FBXL4: variants seen among roughly 807,000 people sequenced by gnomAD.
The protein encoded by FBXL4 is F-box/LRR-repeat protein 4.
A neutral mutation model predicts 58.9 loss-of-function variants in FBXL4; 40 were observed. The ratio of observed to expected loss-of-function variants is 0.68; its 90% CI spans 0.53 to 0.88. The LOEUF is 0.88. Ranked by LOEUF, FBXL4 falls within the 40% of genes least tolerant of loss-of-function variation. The pLI, the probability that FBXL4 is intolerant of heterozygous loss-of-function variation, is 0.00. For missense variants in FBXL4, 676 were observed against 734.4 expected, an observed-to-expected ratio of 0.92 and a Z score of 0.92; for synonymous variants, 263 against 265.5, an observed-to-expected ratio of 0.99 and a Z score of 0.09.
intron 7 of FBXL4, chr6:98,898,427 A>T (rs765181877): frequency 2.0e-6 from 2 of 985,330 alleles, no homozygotes; most frequent in Non-Finnish European, 2.4e-6. Context: ...GCTCATGGTG[A>T]AACCCCGTCT....
At chr6:98,934,739 G>GA (rs1024992229) in intron 2 of FBXL4, 23 bp downstream of exon 2, 18 of 152,174 alleles carry the variant, frequency 1.2e-4, no homozygotes, top group Admixed American at 5.2e-4. Flanking sequence ...CCCCAAAGTA[G>GA]AAAAAATAGG....
intron 7 of FBXL4, among the ~76,000 whole-genome samples, chr6:98,895,879 G>T (rs1183621078): frequency 6.6e-6 from 1 of 152,002 alleles, no homozygotes; most frequent in African/African-American, 2.4e-5. Context: ...CACATAAAAT[G>T]TAACAGTATT....
intron 6 of FBXL4, among the ~76,000 whole-genome samples, chr6:98,900,196 T>A (rs1261254317): frequency 3.3e-5 from 5 of 152,190 alleles, no homozygotes; most frequent in Admixed American, 6.6e-5. Context: ...TCTATGATCA[T>A]CCCCTGAAAA....
chr6:98,936,831 T>A (rs912089798), intron 1 of FBXL4, among the ~76,000 whole-genome samples: 4 of 152,232 alleles, frequency 2.6e-5, no homozygotes, highest in Non-Finnish European at 1.5e-5. Context: ...AACCTTCATG[T>A]TGTTTGAGGA....
intron 2 of FBXL4, among the ~76,000 whole-genome samples, chr6:98,932,399 T>C (rs1773046296): frequency 6.6e-6 from 1 of 152,240 alleles, no homozygotes; most frequent in African/African-American, 2.4e-5. Flanking sequence ...AACATGATTT[T>C]ATTATAATAC....
intron 5 of FBXL4, among the ~76,000 whole-genome samples, chr6:98,915,953 T>G (rs1772326466): frequency 6.6e-6 from 1 of 151,942 alleles, no homozygotes; most frequent in Non-Finnish European, 1.5e-5. Flanking sequence ...GAATCTACAA[T>G]GAACTCAAAC....
rs1336030586 is a variant in FBXL4 at position 98,907,195 on chromosome 6, G to T, written c.859-1525C>A. 2.6e-5 allele frequency among the ~76,000 whole-genome samples: 4 copies of T among 152,312 alleles called. No individual in the cohort carries two copies. The East Asian group carries it at 7.7e-4, about 29-fold the overall frequency. On this transcript the variant is annotated intron_variant, in intron 5 of 9. Transcript: ENST00000369244. ...CAGGGGCAAACCAGGTGAAAAGAGA[G>T]TCTAGTGGCAAAGACTGTGTTATGA...
Position 98,902,336 on chromosome 6 carries a change from A to G in FBXL4, c.1104-2855T>C, listed in dbSNP as rs372255381. Reference sequence around the variant, plus strand: ...TAGCTGATCCAAAATAAAGCCATTAAAAACAAAACTTCCTGCTTAACTGTA... The same window carrying G: ...TAGCTGATCCAAAATAAAGCCATTAGAAACAAAACTTCCTGCTTAACTGTA... On this transcript the variant is annotated intron_variant, in intron 6 of 9. Coordinates refer to ENST00000369244, the MANE Select transcript of FBXL4 (RefSeq NM_001278716.2). Among the ~76,000 whole-genome samples the G allele has an allele frequency of 3.9e-5, 6 of 152,290 alleles. No homozygotes were observed. In the East Asian group the frequency reaches 7.7e-4, roughly 20 times the overall value.
intron 8 of FBXL4, among the ~76,000 whole-genome samples, chr6:98,876,106 T>C (rs1053829981): frequency 6.6e-5 from 10 of 152,214 alleles, no homozygotes; most frequent in Non-Finnish European, 1.2e-4. Flanking sequence ...TATATATGGC[T>C]AATATACTTT....
chr6:98,878,544 T>A (rs1423392199), intron 8 of FBXL4, among the ~76,000 whole-genome samples: 1 of 151,960 alleles, frequency 6.6e-6, no homozygotes, highest in Non-Finnish European at 1.5e-5. Flanking sequence ...CACCCCCAAA[T>A]ACACAGCCTT....
chr6:98,879,843 T>C (rs1770785423), intron 8 of FBXL4, among the ~76,000 whole-genome samples: 1 of 148,780 alleles, frequency 6.7e-6, no homozygotes, highest in Non-Finnish European at 1.5e-5. Flanking sequence ...CTTGGGAGGT[T>C]GAGGCAGGAG....
intron 1 of FBXL4, among the ~76,000 whole-genome samples, chr6:98,940,753 A>G (rs1244385172): frequency 1.3e-5 from 2 of 152,068 alleles, no homozygotes; most frequent in African/African-American, 4.8e-5. Flanking sequence ...ATCTACTTGA[A>G]AATATCTTTT....
At chr6:98,879,025 C>T (rs1770753927) in intron 8 of FBXL4, among the ~76,000 whole-genome samples, 1 of 152,048 alleles carries the variant, frequency 6.6e-6, no homozygotes, top group Non-Finnish European at 1.5e-5. Flanking sequence ...TAAGACCTAA[C>T]CACAAGATTT....
At position 98,875,545 on chromosome 6, in the gene FBXL4, G is replaced by A. The variant is rs1209607876; in HGVS notation, c.1572C>T (p.Cys524=). The A allele has an allele frequency of 6.2e-7, 1 of 1,614,174 alleles. No individual in the cohort carries two copies. The highest frequency in any genetic ancestry group is 1.1e-5 in the South Asian group (1 of 91,086). Residue 524 remains cysteine (C), a synonymous_variant, in exon 9 of 10, where the codon TGC becomes TGT. Coordinates refer to ENST00000369244, the MANE Select transcript of FBXL4 (RefSeq NM_001278716.2). ...WCPTLQSSTG[C]FTRLAHQLPN... Reference sequence around the variant, plus strand: ...GGAGCTGGTGTGCCAGTCTGGTGAAGCACCCGGTGCTGCTCTGCAGAGTTG... The same window carrying A: ...GGAGCTGGTGTGCCAGTCTGGTGAAACACCCGGTGCTGCTCTGCAGAGTTG...
At chr6:98,916,756 C>T (rs1582423404) in intron 5 of FBXL4, among the ~76,000 whole-genome samples, 1 of 149,674 alleles carries the variant, frequency 6.7e-6, no homozygotes, top group South Asian at 2.1e-4. Flanking sequence ...CAGCATGGCA[C>T]ATGTATACAT....
intron 2 of FBXL4, among the ~76,000 whole-genome samples, chr6:98,930,008 G>C (rs542334238): frequency 6.6e-6 from 1 of 152,282 alleles, no homozygotes; most frequent in South Asian, 2.1e-4. Context: ...AAGTAGTCCT[G>C]AACTGGTAAA....
intron 7 of FBXL4, among the ~76,000 whole-genome samples, chr6:98,893,955 G>A (rs981177322): frequency 6.6e-6 from 1 of 152,140 alleles, no homozygotes; most frequent in Non-Finnish European, 1.5e-5. Flanking sequence ...ACAGCTCACT[G>A]TAGCCTCGAC....
In FBXL4 at chr6:98,868,903, A is replaced by T. The variant is rs1409395333; in HGVS notation, c.*5375T>A. 6.6e-6 allele frequency: 1 copy of T among 152,234 alleles called. No individual in the cohort carries two copies. The highest frequency in any genetic ancestry group is 1.5e-5 in the Non-Finnish European group (1 of 68,040). 9.4% of individuals were successfully genotyped at this position (152,234 alleles called of 1,614,324 possible). On this transcript the variant is annotated 3_prime_UTR_variant, in exon 10 of 10. Coordinates refer to ENST00000369244, the MANE Select transcript of FBXL4 (RefSeq NM_001278716.2). ...CATATGCACAAAATTTAAGCCAAAT[A>T]TTCAAGCTTACAGGCAAAGATCTTG...
chr6:98,942,746 A>G (rs942566023), intron 1 of FBXL4, among the ~76,000 whole-genome samples: 11 of 152,124 alleles, frequency 7.2e-5, no homozygotes, highest in African/African-American at 2.7e-4. Context: ...GTGGGAACAG[A>G]ATATTACAAC....
Sources: gnomAD v4.1 joint callset for allele counts (sites outside exome capture counted in the v4.1 genomes callset) on GRCh38, gnomAD v4.1.1 for gene constraint, MANE v1.5 for transcripts, NCBI Gene and HGNC (gene_info 2026-07-23, HGNC 2026-07-21) for gene names.